The following CDH22 variants were observed in gnomAD, a reference collection of about 807,000 sequenced individuals.
CDH22 encodes cadherin-22.
A neutral mutation model predicts 58.4 loss-of-function variants in CDH22; 30 were observed. That is an observed-to-expected ratio of 0.51 (90% CI 0.38 to 0.70). CDH22 has a LOEUF of 0.70. Ranked by LOEUF, CDH22 falls within the 30% of genes least tolerant of loss-of-function variation. The pLI, the probability that CDH22 is intolerant of heterozygous loss-of-function variation, is 0.00. For synonymous variants in CDH22, 513 were observed against 558.2 expected, an observed-to-expected ratio of 0.92 and a Z score of 1.14; for missense variants, 1,014 against 1,233.9, an observed-to-expected ratio of 0.82 and a Z score of 2.67.
At chr20:46,243,205 T>C (rs2086304618) in intron 2 of CDH22, among the ~76,000 whole-genome samples, 1 of 152,172 alleles carries the variant, frequency 6.6e-6, no homozygotes, top group African/African-American at 2.4e-5. Context: ...CGAAAGCCCA[T>C]CCCCTGCCAC....
Position 46,212,314 on chromosome 20 carries a change from G to T in CDH22, c.1032+681C>A, listed in dbSNP as rs576385761. Among the ~76,000 whole-genome samples, 13 of 152,334 alleles carry T rather than the reference G, an allele frequency of 8.5e-5. No homozygotes were observed. In the East Asian group the frequency reaches 2.5e-3, roughly 29 times the overall value. The stretch of plus-strand genomic sequence containing the variant: ...TATGACCACTTGTGGGCCAGTGCAG[G>T]GGACTTAGACCTCCCATGGGAGAGT... On this transcript the variant is annotated intron_variant, in intron 6 of 11. Coordinates refer to ENST00000537909, the MANE Select transcript of CDH22 (RefSeq NM_021248.3).
intron 1 of CDH22, among the ~76,000 whole-genome samples, chr20:46,274,441 C>T (rs1293476728): frequency 6.6e-6 from 1 of 152,178 alleles, no homozygotes; most frequent in Non-Finnish European, 1.5e-5. Context: ...ATTAATGAAA[C>T]AATTGGGCCC....
Position 46,174,879 on chromosome 20 carries a change from CTGCCG to C in CDH22, c.2109_2113del (p.Gly704ArgfsTer172). ...GCCCCCGCCCGCTCCCCCGCCCGCG[CTGCCG>C]CCCCCGTCGCCGCCCTTGAGCTCGC... On this transcript the variant is annotated frameshift_variant, in exon 12 of 12. Transcript: ENST00000537909. LOFTEE classifies it low-confidence loss of function (END_TRUNC). This position sits in a 1 kb window ranked among gnomAD's most constrained non-coding sequence, Gnocchi z 4.4. The C allele has an allele frequency of 7.3e-7, 1 of 1,374,458 alleles. No individual in the cohort carries two copies. The allele number at this position is 1,374,458 out of a possible 1,614,324, so 85.1% of individuals were successfully genotyped here.
At chr20:46,235,701 C>T (rs1271127974) in intron 3 of CDH22, among the ~76,000 whole-genome samples, 1 of 152,166 alleles carries the variant, frequency 6.6e-6, no homozygotes, top group Non-Finnish European at 1.5e-5. Flanking sequence ...CCTCACAAAC[C>T]CTGTTGGCTC....
At chr20:46,261,823 A>T (rs2086434536) in intron 1 of CDH22, among the ~76,000 whole-genome samples, 1 of 152,130 alleles carries the variant, frequency 6.6e-6, no homozygotes, top group South Asian at 2.1e-4. Context: ...CTATTGAGGC[A>T]TGGAGGGGTG....
intron 7 of CDH22, among the ~76,000 whole-genome samples, chr20:46,204,017 C>T (rs1294194701): frequency 6.6e-6 from 1 of 151,988 alleles, no homozygotes; most frequent in Non-Finnish European, 1.5e-5. Flanking sequence ...GATCTGATGC[C>T]CATCTGCCTA....
At position 46,221,178 on chromosome 20, in the gene CDH22, A is replaced by C. The variant is rs143665199; in HGVS notation, c.671-4185T>G. 2.6e-3 allele frequency among the ~76,000 whole-genome samples: 395 copies of C among 152,278 alleles called. 4 individuals carry two copies. The highest frequency in any genetic ancestry group is 0.02 in the Middle Eastern group (6 of 294). ...CGACCCGACAGCTGACTGTTGCTGC[A>C]TGAGTGACCCCAGCAAAATAACTGC... On this transcript the variant is annotated intron_variant, in intron 4 of 11. Transcript: ENST00000537909.
At chr20:46,180,928 G>GTGTT (rs2085779948) in intron 10 of CDH22, among the ~76,000 whole-genome samples, 2 of 26,664 alleles carry the variant, frequency 7.5e-5, no homozygotes, top group Admixed American at 8.4e-4. Context: ...AGTTTGTTTT[G>GTGTT]TGTGTGTGTG....
intron 3 of CDH22, among the ~76,000 whole-genome samples, chr20:46,237,467 C>T (rs889476328): frequency 2.6e-5 from 4 of 152,212 alleles, no homozygotes; most frequent in African/African-American, 9.6e-5. Context: ...CCTCCACAGC[C>T]GGATCAGGAG....
Position 46,251,195 on chromosome 20 carries a change from CCAGCAGCGTCGGCGGCGGCGGCAGCAG to C in CDH22, c.73_99del (p.Leu25_Leu33del). 1 of 1,478,878 alleles carries C rather than the reference CCAGCAGCGTCGGCGGCGGCGGCAGCAG, an allele frequency of 6.8e-7. No individual in the cohort carries two copies. 91.6% of individuals were successfully genotyped at this position (1,478,878 alleles called of 1,614,324 possible). ...GGTGTGCCCGCTGCCCACAGGCGCC[CCAGCAGCGTCGGCGGCGGCGGCAGCAG>C]CAGCAGCAGCAGTAGCGCGGGGGAC... On this transcript the variant is annotated inframe_deletion, in exon 2 of 12. Transcript: ENST00000537909. The surrounding 1 kb of genome is among the most constrained non-coding windows in gnomAD (Gnocchi z 6.7).
rs542951814 is a variant in CDH22 at position 46,216,462 on chromosome 20, G to A, written c.838+364C>T. 6.6e-6 allele frequency among the ~76,000 whole-genome samples: 1 copy of A among 152,312 alleles called. No homozygotes were observed. The highest frequency in any genetic ancestry group is 1.9e-4 in the East Asian group (1 of 5,170). ...TCTGCAAGCCTAGGTCAGCGGCATG[G>A]GATGGCCCAACAAGTGGCTAGGGGA... is the stretch of plus-strand genomic sequence containing the variant. On this transcript the variant is annotated intron_variant, in intron 5 of 11. Transcript: ENST00000537909. The surrounding 1 kb of genome is among the most constrained non-coding windows in gnomAD (Gnocchi z 5.3).
chr20:46,285,412 T>C (rs564340800), intron 1 of CDH22, among the ~76,000 whole-genome samples: 1 of 152,314 alleles, frequency 6.6e-6, no homozygotes, highest in South Asian at 2.1e-4. Flanking sequence ...CTTGCGACCC[T>C]TGGGACATTT....
intron 8 of CDH22, among the ~76,000 whole-genome samples, chr20:46,193,659 C>T (rs1221655918): frequency 1.3e-5 from 2 of 152,194 alleles, no homozygotes; most frequent in Admixed American, 6.5e-5. Flanking sequence ...CCTTGCCTCA[C>T]CTGCTCTGGA....
In CDH22 at chr20:46,241,376, C is replaced by G. The variant is rs2086289307; in HGVS notation, c.256-119G>C. ...CATCTCTTCTCCAGCACATACACATCTTTAGTGAGGACACTGAGGCCCAGC... is the reference window on the plus strand; with the variant it reads ...CATCTCTTCTCCAGCACATACACATGTTTAGTGAGGACACTGAGGCCCAGC... On this transcript the variant is annotated intron_variant, in intron 2 of 11. Transcript: ENST00000537909. The surrounding 1 kb of genome is among the most constrained non-coding windows in gnomAD (Gnocchi z 5.2). The G allele has an allele frequency of 3.5e-6, 3 of 863,212 alleles. No individual in the cohort carries two copies. The highest frequency in any genetic ancestry group is 2.9e-5 in the Admixed American group (1 of 34,664). 53.5% of individuals were successfully genotyped at this position (863,212 alleles called of 1,614,324 possible). A position where few individuals can be genotyped will look rare whatever the true frequency, so the allele number is the denominator to read the frequency against.
chr20:46,292,771 C>T (rs913583070), intron 1 of CDH22, among the ~76,000 whole-genome samples: 2 of 152,200 alleles, frequency 1.3e-5, no homozygotes, highest in African/African-American at 4.8e-5. Context: ...CTCTCCTGCC[C>T]ATTATCCACC....
chr20:46,221,945 T>G (rs980229506), intron 4 of CDH22, among the ~76,000 whole-genome samples: 1 of 152,216 alleles, frequency 6.6e-6, no homozygotes, highest in Non-Finnish European at 1.5e-5. Flanking sequence ...CTACAGGTGC[T>G]GGGGCTGCAC....
chr20:46,223,626 CTTT>C (rs1363875190), intron 4 of CDH22, among the ~76,000 whole-genome samples: 103 of 143,608 alleles, frequency 7.2e-4, no homozygotes, highest in African/African-American at 2.9e-3. Context: ...TTCTTTCTTT[CTTT>C]TTTCTTTCTT....
intron 4 of CDH22, among the ~76,000 whole-genome samples, chr20:46,225,108 T>C (rs1648897986): frequency 6.6e-6 from 1 of 152,208 alleles, no homozygotes; most frequent in Admixed American, 6.5e-5. Context: ...GGAGGGGAAA[T>C]GGATACTCTC....
chr20:46,217,033 A>G, intron 4 of CDH22, 40 bp from the exon 5 acceptor site: 2 of 1,561,190 alleles, frequency 1.3e-6, no homozygotes, highest in Non-Finnish European at 1.7e-6. Flanking sequence ...ACCCCACACC[A>G]CCTGCCCACT....
Sources: gnomAD v4.1 joint callset for allele counts (sites outside exome capture counted in the v4.1 genomes callset) on GRCh38, gnomAD v4.1.1 for gene constraint, Gnocchi (gnomAD v3.1) non-coding constraint, MANE v1.5 for transcripts, NCBI Gene and HGNC (gene_info 2026-07-23, HGNC 2026-07-21) for gene names.